Variants in FGGY observed in about 807,000 individuals in gnomAD.
The protein encoded by FGGY is FGGY carbohydrate kinase domain containing, also known as FGGY carbohydrate kinase domain-containing protein.
FGGY carries 72 observed loss-of-function variants against 71.3 expected under a neutral mutation model. That is an observed-to-expected ratio of 1.01 (90% CI 0.84 to 1.23). The LOEUF is 1.23. Ranked by LOEUF, FGGY falls within the 50% of genes most tolerant of loss-of-function variation. FGGY has a pLI of 0.00. For synonymous variants in FGGY, 251 were observed against 250.3 expected, an observed-to-expected ratio of 1.00 and a Z score of -0.02; for missense variants, 668 against 682.3, an observed-to-expected ratio of 0.98 and a Z score of 0.23.
chr1:59,372,060 G>C lies in FGGY; in HGVS notation c.466-6689G>C, dbSNP rs542114666. 2.2e-4 allele frequency among the ~76,000 whole-genome samples: 33 copies of C among 152,218 alleles called. 1 individual carries two copies. The highest frequency in any genetic ancestry group is 7.2e-4 in the African/African-American group (30 of 41,532). ...AGAAGGCGAGAAATAACTAAGATCA[G>C]AGCAGAACTGAAGGCGATAAATCGA... On this transcript the variant is annotated intron_variant, in intron 4 of 15. Coordinates refer to ENST00000303721, the MANE Select transcript of FGGY (RefSeq NM_018291.5).
chr1:59,592,087 T>C (rs2096453119), intron 8 of FGGY, among the ~76,000 whole-genome samples: 1 of 151,902 alleles, frequency 6.6e-6, no homozygotes, highest in Admixed American at 6.6e-5. Context: ...TCAAACAAAT[T>C]TACAAGAAAA....
intron 8 of FGGY, among the ~76,000 whole-genome samples, chr1:59,604,210 C>G (rs1307820239): frequency 2.0e-5 from 3 of 152,194 alleles, no homozygotes; most frequent in Non-Finnish European, 4.4e-5. Context: ...CAGGCCAAGA[C>G]AGCCATCAGC....
chr1:59,711,087 T>C (rs1343017162), intron 14 of FGGY, among the ~76,000 whole-genome samples: 1 of 152,142 alleles, frequency 6.6e-6, no homozygotes, highest in South Asian at 2.1e-4. Context: ...GTGGCACATA[T>C]ACACAATGGA....
In FGGY at chr1:59,481,288, A is replaced by C. The variant is rs577148239; in HGVS notation, c.670+24212A>C. Among the ~76,000 whole-genome samples the C allele has an allele frequency of 5.9e-5, 9 of 152,280 alleles. No homozygotes were observed. In the South Asian group the frequency reaches 1.7e-3, roughly 28 times the overall value. On this transcript the variant is annotated intron_variant, in intron 6 of 15. Transcript: ENST00000303721. ...TTTTAGAATGTTAGTACTTAGAAAGAAACATTAGGGAGCATCAACCCTGTG... is the reference window on the plus strand; with the variant it reads ...TTTTAGAATGTTAGTACTTAGAAAGCAACATTAGGGAGCATCAACCCTGTG...
At chr1:59,705,713 T>C (rs565625538) in intron 14 of FGGY, among the ~76,000 whole-genome samples, 1 of 152,324 alleles carries the variant, frequency 6.6e-6, no homozygotes, top group Admixed American at 6.5e-5. Context: ...TTAGTTTATT[T>C]CTCTGTAGAA....
rs1474675888 is a variant in FGGY at position 59,511,520 on chromosome 1, C to T, written c.671-791C>T. Among the ~76,000 whole-genome samples the T allele has an allele frequency of 3.3e-5, 5 of 152,140 alleles. No individual in the cohort carries two copies. The East Asian group carries it at 9.6e-4, about 29-fold the overall frequency. ...GATCATTTCATTCTATTCTGTCTTACGTGGTTCTCTGGGTTCTTATCTTGT... is the reference window on the plus strand; with the variant it reads ...GATCATTTCATTCTATTCTGTCTTATGTGGTTCTCTGGGTTCTTATCTTGT... On this transcript the variant is annotated intron_variant, in intron 6 of 15. Transcript: ENST00000303721.
chr1:59,436,380 C>A (rs1171523404), intron 5 of FGGY, among the ~76,000 whole-genome samples: 1 of 152,058 alleles, frequency 6.6e-6, no homozygotes, highest in Non-Finnish European at 1.5e-5. Flanking sequence ...ATGGACTAGA[C>A]TAGAACCCCC....
intron 5 of FGGY, among the ~76,000 whole-genome samples, chr1:59,445,873 A>T (rs1297089241): frequency 6.6e-6 from 1 of 152,340 alleles, no homozygotes. Context: ...ATAAGCATGT[A>T]GTTAACAAGC....
intron 6 of FGGY, among the ~76,000 whole-genome samples, chr1:59,462,756 A>C (rs9729701): frequency 0.4 from 61,339 of 151,794 alleles, 12,571 homozygotes; most frequent in Middle Eastern, 0.49. Context: ...AACCACAATG[A>C]GATACCATCT....
At chr1:59,347,985 A>G (rs1291654673) in intron 4 of FGGY, among the ~76,000 whole-genome samples, 1 of 152,232 alleles carries the variant, frequency 6.6e-6, no homozygotes, top group African/African-American at 2.4e-5. Context: ...GAGCTTCTGC[A>G]CAGCAAAAGA....
Position 59,497,573 on chromosome 1 carries a change from G to A in FGGY, c.671-14738G>A, listed in dbSNP as rs530851656. ...ACTACACTCCAGCCTGGGCGACAGAGCCAGACTCCGTCTCAAACAAACAAA... is the reference window on the plus strand; with the variant it reads ...ACTACACTCCAGCCTGGGCGACAGAACCAGACTCCGTCTCAAACAAACAAA... On this transcript the variant is annotated intron_variant, in intron 6 of 15. Coordinates refer to ENST00000303721, the MANE Select transcript of FGGY (RefSeq NM_018291.5). Among the ~76,000 whole-genome samples the A allele has an allele frequency of 1.2e-4, 19 of 152,292 alleles. 1 individual carries two copies. The South Asian group carries it at 2.7e-3, about 22-fold the overall frequency.
intron 11 of FGGY, among the ~76,000 whole-genome samples, chr1:59,641,723 A>G (rs529044549): frequency 1.3e-5 from 2 of 152,308 alleles, no homozygotes; most frequent in South Asian, 4.1e-4. Context: ...AGGAATTAGG[A>G]TGGTGTTCAA....
At chr1:59,412,733 T>C (rs1160077479) in intron 5 of FGGY, among the ~76,000 whole-genome samples, 1 of 152,146 alleles carries the variant, frequency 6.6e-6, no homozygotes, top group Non-Finnish European at 1.5e-5. Flanking sequence ...CTTATAGAAG[T>C]TATTGTATTT....
At chr1:59,609,620 T>G (rs2096655511) in intron 9 of FGGY, among the ~76,000 whole-genome samples, 1 of 152,266 alleles carries the variant, frequency 6.6e-6, no homozygotes, top group South Asian at 2.1e-4. Flanking sequence ...ATTGGAAATA[T>G]CTGCTTATGT....
chr1:59,575,952 T>C (rs2096068501), intron 8 of FGGY, among the ~76,000 whole-genome samples: 1 of 152,182 alleles, frequency 6.6e-6, no homozygotes, highest in African/African-American at 2.4e-5. Context: ...GAGCTATATA[T>C]ACAAGATCAT....
chr1:59,338,691 T>C (rs2050082218), intron 2 of FGGY, among the ~76,000 whole-genome samples: 1 of 152,166 alleles, frequency 6.6e-6, no homozygotes, highest in African/African-American at 2.4e-5. Flanking sequence ...AAAATCTGTA[T>C]AGTATTTCAT....
chr1:59,491,598 GT>G (rs892482639), intron 6 of FGGY, among the ~76,000 whole-genome samples: 8 of 151,580 alleles, frequency 5.3e-5, no homozygotes, highest in Non-Finnish European at 1.2e-4. Context: ...AATTCTAAGA[GT>G]TTTTTTGGTA....
At chr1:59,327,102 C>G (rs1325616036) in intron 2 of FGGY, among the ~76,000 whole-genome samples, 1 of 152,072 alleles carries the variant, frequency 6.6e-6, no homozygotes, top group African/African-American at 2.4e-5. Context: ...GGTTAGGTGG[C>G]TGTGGTAATT....
At chr1:59,697,987 A>G (rs988047079) in intron 14 of FGGY, among the ~76,000 whole-genome samples, 9 of 152,182 alleles carry the variant, frequency 5.9e-5, no homozygotes. Context: ...GTACATAGAG[A>G]TAATAATACT....
Sources: allele counts gnomAD v4.1 joint callset (sites outside exome capture counted in the v4.1 genomes callset), GRCh38; gene constraint gnomAD v4.1.1; transcripts MANE v1.5; gene names NCBI Gene and HGNC (gene_info 2026-07-23, HGNC 2026-07-21).